TNRC6A: variants seen among roughly 807,000 people sequenced by gnomAD.
TNRC6A encodes trinucleotide repeat containing adaptor 6A, also known as trinucleotide repeat-containing gene 6A protein.
TNRC6A carries 44 observed loss-of-function variants against 221.2 expected under a neutral mutation model. The observed-to-expected ratio is 0.20, with a 90% confidence interval of 0.16 to 0.26. TNRC6A has a LOEUF of 0.26. Ranked by LOEUF, TNRC6A falls within the 10% of genes least tolerant of loss-of-function variation. The pLI is 1.00. For missense variants in TNRC6A, 2,199 were observed against 2,404.4 expected, an observed-to-expected ratio of 0.91 and a Z score of 1.79; for synonymous variants, 847 against 838.5, an observed-to-expected ratio of 1.01 and a Z score of -0.18.
rs762151039 is a variant in TNRC6A at position 24,816,849 on chromosome 16, C to G, written c.4865C>G (p.Pro1622Arg). 5.6e-6 allele frequency: 9 copies of G among 1,613,652 alleles called. No individual in the cohort carries two copies. The highest frequency in any genetic ancestry group is 4.2e-6 in the Non-Finnish European group (5 of 1,179,930). ...CCTGGTGAGCCATGGAAAGGTTATC[C>G]AAACATTGACCCTGAAACTGACCCT... ...FRPGEPWKGY[P>R]NIDPETDPYV... Residue 1622 changes from proline (P) to arginine (R), a missense_variant, in exon 20 of 25, where the codon CCA becomes CGA. Physicochemically the swap from Pro to Arg is moderately radical, Grantham distance 103. Coordinates refer to ENST00000395799, the MANE Select transcript of TNRC6A (RefSeq NM_014494.4).
At chr16:24,628,411 C>G (rs1234766886) in intron 1 of TNRC6A, among the ~76,000 whole-genome samples, 1 of 151,844 alleles carries the variant, frequency 6.6e-6, no homozygotes, top group East Asian at 1.9e-4. Flanking sequence ...AGGAGTGAGA[C>G]TCCATCTCAA....
At chr16:24,681,296 C>T (rs1162177540) in intron 2 of TNRC6A, among the ~76,000 whole-genome samples, 1 of 152,088 alleles carries the variant, frequency 6.6e-6, no homozygotes, top group Non-Finnish European at 1.5e-5. Context: ...GGCGTGATCT[C>T]GGCTCACTGC....
chr16:24,795,283 T>C (rs940897920), intron 8 of TNRC6A, among the ~76,000 whole-genome samples: 4 of 152,208 alleles, frequency 2.6e-5, no homozygotes, highest in Non-Finnish European at 5.9e-5. Context: ...AAAATGCAGC[T>C]TCCTGTACCT....
At chr16:24,625,747 A>AC (rs1567306926) in intron 1 of TNRC6A, among the ~76,000 whole-genome samples, 9 of 144,734 alleles carry the variant, frequency 6.2e-5, no homozygotes, top group African/African-American at 2.4e-4. Flanking sequence ...CAAAAAAAAA[A>AC]AAAAAAAAAA....
At chr16:24,644,531 C>G (rs1009019409) in intron 2 of TNRC6A, among the ~76,000 whole-genome samples, 1 of 152,008 alleles carries the variant, frequency 6.6e-6, no homozygotes, top group Non-Finnish European at 1.5e-5. Flanking sequence ...TAGGCTCAAG[C>G]GATCCTCCCG....
chr16:24,712,543 T>C (rs1361321500), intron 2 of TNRC6A, among the ~76,000 whole-genome samples: 1 of 149,950 alleles, frequency 6.7e-6, no homozygotes, highest in East Asian at 2.0e-4. Context: ...TCAATTCTCT[T>C]TAATGACATT....
intron 2 of TNRC6A, among the ~76,000 whole-genome samples, chr16:24,746,288 C>T (rs925719891): frequency 1.3e-5 from 2 of 152,160 alleles, no homozygotes; most frequent in African/African-American, 4.8e-5. Context: ...TAGCTGAGTG[C>T]AGTGGCTCAC....
chr16:24,773,074 A>G (rs1234037719), intron 4 of TNRC6A, among the ~76,000 whole-genome samples: 1 of 152,144 alleles, frequency 6.6e-6, no homozygotes, highest in Non-Finnish European at 1.5e-5. Flanking sequence ...CTTGGATTAT[A>G]TAGATTTACT....
At chr16:24,655,133 A>G (rs2054883081) in intron 2 of TNRC6A, among the ~76,000 whole-genome samples, 1 of 152,012 alleles carries the variant, frequency 6.6e-6, no homozygotes, top group Admixed American at 6.6e-5. Flanking sequence ...GTTCCCAGCT[A>G]CTCAGGAGGC....
chr16:24,631,073 A>T (rs917887780), intron 1 of TNRC6A, among the ~76,000 whole-genome samples: 3 of 152,192 alleles, frequency 2.0e-5, no homozygotes, highest in Non-Finnish European at 2.9e-5. Flanking sequence ...TCTGGAGAAG[A>T]ACTCTTGGAA....
intron 1 of TNRC6A, among the ~76,000 whole-genome samples, chr16:24,622,870 G>A (rs1900748560): frequency 1.3e-5 from 2 of 152,142 alleles, no homozygotes; most frequent in East Asian, 1.9e-4. Context: ...AACTACTGGC[G>A]GAAAAGGTAA....
chr16:24,620,748 C>T (rs1450607339), intron 1 of TNRC6A, among the ~76,000 whole-genome samples: 2 of 151,872 alleles, frequency 1.3e-5, no homozygotes, highest in Non-Finnish European at 2.9e-5. Flanking sequence ...GCAGATGTTG[C>T]AGTGAGCCGA....
At chr16:24,812,120 GC>G (rs975516577) in intron 18 of TNRC6A, among the ~76,000 whole-genome samples, 18 of 132,000 alleles carry the variant, frequency 1.4e-4, no homozygotes, top group African/African-American at 5.2e-4. Flanking sequence ...GCAAATCTCT[GC>G]TCACTGCAAC....
intron 1 of TNRC6A, among the ~76,000 whole-genome samples, chr16:24,627,997 A>G (rs116613886): frequency 0.075 from 11,297 of 151,340 alleles, 1,456 homozygotes; most frequent in African/African-American, 0.26. Flanking sequence ...GCACTTGGCC[A>G]TCTTTCTTGT....
chr16:24,720,727 AAG>A (rs2056395383), intron 2 of TNRC6A, among the ~76,000 whole-genome samples: 2 of 150,112 alleles, frequency 1.3e-5, no homozygotes, highest in Non-Finnish European at 3.0e-5. Flanking sequence ...AAAAAAAAAA[AAG>A]AAAAAAGAAA....
Position 24,789,741 on chromosome 16 carries a change from C to T in TNRC6A, c.1099C>T (p.His367Tyr), listed in dbSNP as rs767559135. Residue 367 changes from histidine (H) to tyrosine (Y), a missense_variant, in exon 6 of 25, where the codon CAT becomes TAT. By Grantham distance (83) the His-to-Tyr change is moderately conservative (BLOSUM62 2). Coordinates refer to ENST00000395799, the MANE Select transcript of TNRC6A (RefSeq NM_014494.4). Reference sequence around the variant, plus strand: ...AAGCACTTTGAATTCAGCTAGCAACCATGGTGCCTGGCCAGTATTAGAGAA... The same window carrying T: ...AAGCACTTTGAATTCAGCTAGCAACTATGGTGCCTGGCCAGTATTAGAGAA... Reference protein sequence around the residue: ...NPSTLNSASNHGAWPVLENNG... With the variant: ...NPSTLNSASNYGAWPVLENNG... 1.2e-6 allele frequency: 2 copies of T among 1,614,176 alleles called. No homozygotes were observed. The highest frequency in any genetic ancestry group is 1.7e-6 in the Non-Finnish European group (2 of 1,180,026).
chr16:24,739,140 A>G (rs142053757), intron 2 of TNRC6A, among the ~76,000 whole-genome samples: 3 of 152,326 alleles, frequency 2.0e-5, no homozygotes, highest in East Asian at 1.9e-4. Context: ...CTCATCAGCA[A>G]TGTATGGAGG....
chr16:24,785,987 G>C (rs1028460188), intron 5 of TNRC6A, among the ~76,000 whole-genome samples: 6 of 152,194 alleles, frequency 3.9e-5, no homozygotes, highest in Admixed American at 6.5e-5. Context: ...GAAACTTACT[G>C]AGATGAGAAA....
chr16:24,654,034 A>C (rs1902818672), intron 2 of TNRC6A, among the ~76,000 whole-genome samples: 1 of 152,162 alleles, frequency 6.6e-6, no homozygotes, highest in South Asian at 2.1e-4. Context: ...CCTCCCAAGT[A>C]GCTGGAACCA....
Sources: allele counts gnomAD v4.1 joint callset (sites outside exome capture counted in the v4.1 genomes callset), GRCh38; gene constraint gnomAD v4.1.1; transcripts MANE v1.5; gene names NCBI Gene and HGNC (gene_info 2026-07-23, HGNC 2026-07-21).